The following AHCYL2 variants were observed in gnomAD, a reference collection of about 807,000 sequenced individuals.
The protein encoded by AHCYL2 is S-adenosylhomocysteine hydrolase-like protein 2.
A neutral mutation model predicts 81.4 loss-of-function variants in AHCYL2; 28 were observed. That is an observed-to-expected ratio of 0.34 (90% CI 0.25 to 0.47). The LOEUF is 0.47. Among genes scored for constraint, AHCYL2 ranks in the 20% least tolerant of loss-of-function variants. The pLI, the probability that AHCYL2 is intolerant of heterozygous loss-of-function variation, is 1.00. For synonymous variants in AHCYL2, 272 were observed against 290.2 expected, an observed-to-expected ratio of 0.94 and a Z score of 0.64; for missense variants, 551 against 785.1, an observed-to-expected ratio of 0.70 and a Z score of 3.56.
intron 1 of AHCYL2, among the ~76,000 whole-genome samples, chr7:129,282,009 C>G (rs932339278): frequency 6.6e-6 from 1 of 152,094 alleles, no homozygotes; most frequent in Non-Finnish European, 1.5e-5. Flanking sequence ...GTATGTATTA[C>G]TTTACTTCCT....
rs114002246 is a variant in AHCYL2, at chr7:129,318,585, G to A, written c.364-61053G>A. ...TAGTAAATGGTGTAGAGAAATTTGG[G>A]TAGCCAATATGGAAAATAAACTCGT... On this transcript the variant is annotated intron_variant, in intron 1 of 16. Coordinates refer to ENST00000325006, the MANE Select transcript of AHCYL2 (RefSeq NM_015328.4). Among the ~76,000 whole-genome samples, 717 of 152,238 alleles carry A rather than the reference G, an allele frequency of 4.7e-3. 6 individuals carry two copies. The highest frequency in any genetic ancestry group is 0.017 in the African/African-American group (690 of 41,542).
intron 1 of AHCYL2, among the ~76,000 whole-genome samples, chr7:129,379,279 C>CAAAA (rs200168015): frequency 2.9e-5 from 2 of 68,332 alleles, no homozygotes; most frequent in Non-Finnish European, 6.2e-5. Flanking sequence ...AAGTCCATCT[C>CAAAA]AAAAAAAAAA....
chr7:129,270,120 A>G (rs1795956512), intron 1 of AHCYL2, among the ~76,000 whole-genome samples: 1 of 152,220 alleles, frequency 6.6e-6, no homozygotes, highest in South Asian at 2.1e-4. Context: ...TTAGGAGACT[A>G]TTAGGTATAT....
chr7:129,278,652 G>A (rs142333751), intron 1 of AHCYL2, among the ~76,000 whole-genome samples: 39 of 151,858 alleles, frequency 2.6e-4, no homozygotes, highest in African/African-American at 9.2e-4. Context: ...GATTAGAAGA[G>A]CTTTCTCTTA....
At chr7:129,241,489 G>T (rs1189911493) in intron 1 of AHCYL2, among the ~76,000 whole-genome samples, 1 of 152,224 alleles carries the variant, frequency 6.6e-6, no homozygotes, top group East Asian at 1.9e-4. Flanking sequence ...TACTCGGGAG[G>T]CTGAGGCAGG....
In AHCYL2 at chr7:129,359,101, C is replaced by T. The variant is rs566742811; in HGVS notation, c.364-20537C>T. Among the ~76,000 whole-genome samples, 17 of 152,086 alleles carry T rather than the reference C, an allele frequency of 1.1e-4. No individual in the cohort carries two copies. The South Asian group carries it at 3.3e-3, about 30-fold the overall frequency. Reference sequence around the variant, plus strand: ...TTATAGTCCCCAAGCTGAAAACAACCAAAAAGCCCATCAACAGAAAAAGTG... The same window carrying T: ...TTATAGTCCCCAAGCTGAAAACAACTAAAAAGCCCATCAACAGAAAAAGTG... On this transcript the variant is annotated intron_variant, in intron 1 of 16. Transcript: ENST00000325006.
chr7:129,268,221 T>C (rs1795884790), intron 1 of AHCYL2, among the ~76,000 whole-genome samples: 1 of 152,220 alleles, frequency 6.6e-6, no homozygotes, highest in South Asian at 2.1e-4. Flanking sequence ...TTTTACCAGC[T>C]ATACCTTAAA....
chr7:129,416,564 G>A (rs1289393003), intron 12 of AHCYL2, among the ~76,000 whole-genome samples: 1 of 151,882 alleles, frequency 6.6e-6, no homozygotes, highest in Non-Finnish European at 1.5e-5. Flanking sequence ...TTGAGAGGCC[G>A]AGACGGGTGG....
chr7:129,334,454 T>C (rs1482502049), intron 1 of AHCYL2, among the ~76,000 whole-genome samples: 2 of 152,200 alleles, frequency 1.3e-5, no homozygotes, highest in Non-Finnish European at 2.9e-5. Flanking sequence ...GTTAGAAAAT[T>C]GTTAGACATG....
chr7:129,376,211 T>C (rs117251435), intron 1 of AHCYL2, among the ~76,000 whole-genome samples: 2,550 of 152,106 alleles, frequency 0.017, 38 homozygotes, highest in Non-Finnish European at 0.025. Flanking sequence ...ACAATTGGGG[T>C]GGGCAGATTA....
chr7:129,362,339 T>C (rs1442412017), intron 1 of AHCYL2, among the ~76,000 whole-genome samples: 1 of 152,170 alleles, frequency 6.6e-6, no homozygotes, highest in African/African-American at 2.4e-5. Context: ...GAGGTATGAA[T>C]TTTAGATTAC....
chr7:129,238,930 C>T (rs937159717), intron 1 of AHCYL2, among the ~76,000 whole-genome samples: 1 of 152,018 alleles, frequency 6.6e-6, no homozygotes, highest in African/African-American at 2.4e-5. Context: ...CCAGCCTGAG[C>T]AACAGAGCAA....
chr7:129,258,397 A>T (rs1795502711), intron 1 of AHCYL2, among the ~76,000 whole-genome samples: 1 of 152,128 alleles, frequency 6.6e-6, no homozygotes, highest in Non-Finnish European at 1.5e-5. Flanking sequence ...TCCTTCTTAG[A>T]AGATAATACT....
chr7:129,323,451 T>C (rs889787219), intron 1 of AHCYL2, among the ~76,000 whole-genome samples: 1 of 152,194 alleles, frequency 6.6e-6, no homozygotes, highest in Non-Finnish European at 1.5e-5. Flanking sequence ...TTTAAATTTA[T>C]TTAAATTCGT....
At chr7:129,308,839 A>G (rs1224166904) in intron 1 of AHCYL2, among the ~76,000 whole-genome samples, 1 of 152,194 alleles carries the variant, frequency 6.6e-6, no homozygotes, top group Non-Finnish European at 1.5e-5. Flanking sequence ...CATGGTATGG[A>G]TCATTCATTA....
chr7:129,385,594 C>T (rs1795165581), intron 2 of AHCYL2, among the ~76,000 whole-genome samples: 1 of 152,110 alleles, frequency 6.6e-6, no homozygotes, highest in African/African-American at 2.4e-5. Flanking sequence ...AGAAACTGAA[C>T]CCTTTTGGTT....
At chr7:129,341,424 A>G (rs1018918686) in intron 1 of AHCYL2, among the ~76,000 whole-genome samples, 3 of 152,160 alleles carry the variant, frequency 2.0e-5, no homozygotes, top group Non-Finnish European at 4.4e-5. Context: ...ACAAGGGTAG[A>G]GGAAAGGTGG....
chr7:129,290,701 C>A (rs1796815309), intron 1 of AHCYL2, among the ~76,000 whole-genome samples: 3 of 151,938 alleles, frequency 2.0e-5, no homozygotes, highest in Admixed American at 2.0e-4. Context: ...GAGGCTGAGG[C>A]AGGTGGATCA....
At chr7:129,288,405 G>C (rs997139682) in intron 1 of AHCYL2, among the ~76,000 whole-genome samples, 1 of 152,030 alleles carries the variant, frequency 6.6e-6, no homozygotes, top group Non-Finnish European at 1.5e-5. Context: ...GCATCACTCA[G>C]GCTGGAGTGC....
Sources: gnomAD v4.1 joint callset for allele counts (sites outside exome capture counted in the v4.1 genomes callset) on GRCh38, gnomAD v4.1.1 for gene constraint, MANE v1.5 for transcripts, NCBI Gene and HGNC (gene_info 2026-07-23, HGNC 2026-07-21) for gene names.